Variants in KIAA1217 observed in about 807,000 individuals in gnomAD.
KIAA1217 encodes sickle tail protein homolog.
A neutral mutation model predicts 163.9 loss-of-function variants in KIAA1217; 88 were observed. The observed-to-expected ratio is 0.54, with a 90% CI of 0.45 to 0.64. The LOEUF (loss-of-function observed/expected upper bound fraction) is 0.64, where lower values mean the gene tolerates loss of function less well. Among genes scored for constraint, KIAA1217 ranks in the 30% least tolerant of loss-of-function variants. The pLI, the probability that KIAA1217 is intolerant of heterozygous loss-of-function variation, is 0.00. For missense variants in KIAA1217, 2,372 were observed against 2,475.0 expected (o/e 0.96, Z 0.88); for synonymous variants, 903 against 923.1 (o/e 0.98, Z 0.39).
chr10:24,236,273 C>T (rs371586518), intron 2 of KIAA1217, among the ~76,000 whole-genome samples: 20 of 151,610 alleles, frequency 1.3e-4, no homozygotes, highest in South Asian at 1.0e-3. Context: ...TTTTTTTCGA[C>T]GGCGTTTTGC....
intron 6 of KIAA1217, among the ~76,000 whole-genome samples, chr10:24,484,362 A>G (rs993415799): frequency 4.1e-5 from 6 of 146,860 alleles, no homozygotes; most frequent in African/African-American, 1.5e-4. Context: ...CTCCTGCCTC[A>G]GCCTCCCAAG....
chr10:24,011,708 C>T (rs750611883), intron 2 of KIAA1217, among the ~76,000 whole-genome samples: 18 of 152,162 alleles, frequency 1.2e-4, no homozygotes, highest in Non-Finnish European at 2.1e-4. Context: ...AAAGTCATTT[C>T]ATGATGCTTT....
chr10:24,327,586 G>A (rs1003094120), intron 2 of KIAA1217, among the ~76,000 whole-genome samples: 1 of 152,082 alleles, frequency 6.6e-6, no homozygotes, highest in Non-Finnish European at 1.5e-5. Flanking sequence ...AAACTCCTGG[G>A]TTGAAGCGAT....
intron 2 of KIAA1217, among the ~76,000 whole-genome samples, chr10:24,063,566 G>C (rs1008931024): frequency 6.6e-6 from 1 of 152,188 alleles, no homozygotes; most frequent in African/African-American, 2.4e-5. Flanking sequence ...TTTGAAGTTA[G>C]GTAGCGTGAT....
chr10:24,463,874 C>A (rs571893258), intron 5 of KIAA1217, among the ~76,000 whole-genome samples: 5 of 152,288 alleles, frequency 3.3e-5, no homozygotes, highest in African/African-American at 9.6e-5. Context: ...GAGTGGGACA[C>A]TTTATACACT....
At chr10:24,300,777 G>A (rs1590748459) in intron 2 of KIAA1217, among the ~76,000 whole-genome samples, 2 of 151,818 alleles carry the variant, frequency 1.3e-5, no homozygotes, top group Middle Eastern at 6.8e-3. Context: ...ATGTTGGCCA[G>A]GCTGGTCTCA....
intron 2 of KIAA1217, among the ~76,000 whole-genome samples, chr10:24,087,024 C>G (rs982496425): frequency 2.0e-5 from 3 of 152,182 alleles, no homozygotes; most frequent in East Asian, 3.8e-4. Context: ...TGGCTCTGAG[C>G]AGAAGACTCG....
At chr10:24,305,670 G>A (rs1048354245) in intron 2 of KIAA1217, among the ~76,000 whole-genome samples, 9 of 152,174 alleles carry the variant, frequency 5.9e-5, no homozygotes, top group Non-Finnish European at 7.3e-5. Context: ...TAACTGTTAC[G>A]TCTTACTTGT....
intron 1 of KIAA1217, among the ~76,000 whole-genome samples, chr10:23,901,165 C>G (rs1404602947): frequency 6.6e-6 from 1 of 151,994 alleles, no homozygotes; most frequent in Non-Finnish European, 1.5e-5. Context: ...TGCTACCAAC[C>G]TATAAAGTAA....
intron 1 of KIAA1217, among the ~76,000 whole-genome samples, chr10:24,211,390 TAGAG>T (rs1456632960): frequency 1.4e-5 from 2 of 141,648 alleles, no homozygotes; most frequent in South Asian, 2.3e-4. Flanking sequence ...TTTTTTTTTT[TAGAG>T]AGGGTCTCAT....
At chr10:24,309,295 A>C (rs756232681) in intron 2 of KIAA1217, among the ~76,000 whole-genome samples, 2 of 151,262 alleles carry the variant, frequency 1.3e-5, no homozygotes, top group Non-Finnish European at 2.9e-5. Context: ...GGGTCTTTCA[A>C]ACTGTATTGT....
chr10:23,895,648 A>G (rs1208356538), intron 1 of KIAA1217, among the ~76,000 whole-genome samples: 5 of 152,076 alleles, frequency 3.3e-5, no homozygotes, highest in African/African-American at 9.7e-5. Context: ...CTGGGTATAT[A>G]CCCAAAGGAC....
At chr10:23,775,258 G>A (rs1834959802) in intron 1 of KIAA1217, among the ~76,000 whole-genome samples, 2 of 152,186 alleles carry the variant, frequency 1.3e-5, no homozygotes, top group African/African-American at 4.8e-5. Flanking sequence ...TATCAATGGG[G>A]TTTCTTGATT....
intron 2 of KIAA1217, among the ~76,000 whole-genome samples, chr10:24,135,249 C>T (rs1364550954): frequency 6.6e-6 from 1 of 152,218 alleles, no homozygotes; most frequent in South Asian, 2.1e-4. Context: ...GTCCCCGTCT[C>T]AGCAAGGGAT....
intron 2 of KIAA1217, among the ~76,000 whole-genome samples, chr10:24,301,869 A>G (rs904401967): frequency 6.6e-6 from 1 of 151,850 alleles, no homozygotes; most frequent in Non-Finnish European, 1.5e-5. Flanking sequence ...ATGTGGTGAA[A>G]CCCTGTATCT....
intron 3 of KIAA1217, among the ~76,000 whole-genome samples, chr10:24,423,622 G>A (rs1362328936): frequency 2.0e-5 from 3 of 152,108 alleles, no homozygotes; most frequent in African/African-American, 7.2e-5. Context: ...ACCACACCCA[G>A]CTAATTTTTG....
intron 1 of KIAA1217, among the ~76,000 whole-genome samples, chr10:23,848,633 A>T (rs149048286): frequency 5.3e-4 from 80 of 152,106 alleles, no homozygotes; most frequent in African/African-American, 1.9e-3. Flanking sequence ...TGGCACCATC[A>T]TCCTTGTGGG....
intron 1 of KIAA1217, among the ~76,000 whole-genome samples, chr10:23,939,734 GAAGACTTAAAC>G (rs1843676938): frequency 6.6e-6 from 1 of 151,406 alleles, no homozygotes; most frequent in African/African-American, 2.4e-5. Flanking sequence ...CAAGTATATA[GAAGACTTAAAC>G]AAGACTTCAA....
chr10:23,827,806 C>A (rs574155782), intron 1 of KIAA1217, among the ~76,000 whole-genome samples: 112 of 152,280 alleles, frequency 7.4e-4, no homozygotes, highest in Non-Finnish European at 1.4e-3. Context: ...ACGGCACATG[C>A]AAAGCCATGA....
Sources: gnomAD v4.1 joint callset for allele counts (sites outside exome capture counted in the v4.1 genomes callset) on GRCh38, gnomAD v4.1.1 for gene constraint, MANE v1.5 for transcripts, NCBI Gene and HGNC (gene_info 2026-07-23, HGNC 2026-07-21) for gene names.